Variants in ADGB observed in about 807,000 individuals in gnomAD.
ADGB encodes androglobin.
A neutral mutation model predicts 210.5 loss-of-function variants in ADGB; 172 were observed. That is an observed-to-expected ratio of 0.82 (90% CI 0.72 to 0.93). The LOEUF is 0.93. Ranked by LOEUF, ADGB falls within the 40% of genes least tolerant of loss-of-function variation. The pLI is 0.00. For missense variants in ADGB, 2,025 were observed against 1,964.8 expected, an observed-to-expected ratio of 1.03 and a Z score of -0.58; for synonymous variants, 658 against 662.7, an observed-to-expected ratio of 0.99 and a Z score of 0.11.
At chr6:146,740,720 C>T in intron 24 of ADGB, 127 bp downstream of exon 24, 1 of 855,454 alleles carries the variant, frequency 1.2e-6, no homozygotes, top group Non-Finnish European at 1.7e-6. Flanking sequence ...AAAATTCTTC[C>T]ACACTTGGCA....
intron 28 of ADGB, among the ~76,000 whole-genome samples, chr6:146,768,267 A>G (rs551535655): frequency 7.0e-4 from 107 of 152,364 alleles, no homozygotes; most frequent in African/African-American, 2.5e-3. Flanking sequence ...ATTCATAGGA[A>G]TGAATAGCAA....
At chr6:146,702,562 T>G (rs1362087405) in intron 13 of ADGB, among the ~76,000 whole-genome samples, 1 of 151,888 alleles carries the variant, frequency 6.6e-6, no homozygotes, top group African/African-American at 2.4e-5. Flanking sequence ...CTTTCAGGAT[T>G]TTTTAATGTA....
rs1777022598 is a variant in ADGB at position 146,733,112 on chromosome 6, T to C, written c.2521-8T>C. On this transcript the variant is annotated splice_polypyrimidine_tract_variant and splice_region_variant and intron_variant, in intron 20 of 35. Transcript: ENST00000397944. ...TTTCTTGCTATAAAAAAAATTTATGTGTTTCAGGTTTTTCATCTTTCCTTA... is the reference window on the plus strand; with the variant it reads ...TTTCTTGCTATAAAAAAAATTTATGCGTTTCAGGTTTTTCATCTTTCCTTA... 1 of 1,488,550 alleles carries C rather than the reference T, an allele frequency of 6.7e-7. No individual in the cohort carries two copies. The highest frequency in any genetic ancestry group is 1.4e-5 in the African/African-American group (1 of 70,458). 92.2% of individuals were successfully genotyped at this position (1,488,550 alleles called of 1,614,324 possible).
rs954045673 is a variant in ADGB at position 146,721,518 on chromosome 6, T to C, written c.2095+13T>C. 9.3e-6 allele frequency: 14 copies of C among 1,504,008 alleles called. No individual in the cohort carries two copies. The highest frequency in any genetic ancestry group is 2.8e-5 in the African/African-American group (2 of 71,944). The allele number at this position is 1,504,008 out of a possible 1,614,324, so 93.2% of individuals were successfully genotyped here. A position where few individuals can be genotyped will look rare whatever the true frequency, so the allele number is the denominator to read the frequency against. ...GGGGAGTATGGAGGTAAGAGGGCTC[T>C]GAGAAAATGATAGCCTTAAAGCCTA... On this transcript the variant is annotated intron_variant, in intron 17 of 35. Transcript: ENST00000397944.
At chr6:146,762,346 AG>A (rs1302993899) in intron 27 of ADGB, among the ~76,000 whole-genome samples, 1 of 152,190 alleles carries the variant, frequency 6.6e-6, no homozygotes, top group Non-Finnish European at 1.5e-5. Flanking sequence ...AGATATAGTC[AG>A]ATCTGGAATT....
intron 12 of ADGB, 25 bp from the exon 13 acceptor site, chr6:146,700,916 G>A: frequency 6.5e-7 from 1 of 1,538,024 alleles, no homozygotes; most frequent in Non-Finnish European, 8.8e-7. Flanking sequence ...AATAACAGAA[G>A]TTTGGGGTTT....
chr6:146,767,948 T>C (rs1267415634), intron 28 of ADGB, among the ~76,000 whole-genome samples: 1 of 150,140 alleles, frequency 6.7e-6, no homozygotes, highest in Non-Finnish European at 1.5e-5. Flanking sequence ...ACCGGCACTA[T>C]GCATTAGACA....
chr6:146,726,093 C>G lies in ADGB; in HGVS notation c.2248C>G (p.Leu750Val), dbSNP rs1452993097. 6.5e-7 allele frequency: 1 copy of G among 1,531,692 alleles called. No individual in the cohort carries two copies. Among genetic ancestry groups the G allele is most frequent in the African/African-American group, 1.4e-5 (1 of 72,800 alleles). 94.9% of individuals were successfully genotyped at this position (1,531,692 alleles called of 1,614,324 possible). A position where few individuals can be genotyped will look rare whatever the true frequency, so the allele number is the denominator to read the frequency against. Residue 750 changes from leucine (L) to valine (V), a missense_variant, in exon 19 of 36, where the codon CTA (leucine) becomes GTA (valine). Coordinates refer to ENST00000397944, the MANE Select transcript of ADGB (RefSeq NM_024694.4). ...VVRLPVGRHMLLFNAYSPVGH... is the reference protein window; with the variant it reads ...VVRLPVGRHMVLFNAYSPVGH... ...ATCCCTTCTCTTTAGGAGACACATG[C>G]TACTCTTCAACGCATACTCCCCAGT...
chr6:146,668,901 G>T (rs1257925537), intron 7 of ADGB, among the ~76,000 whole-genome samples: 1 of 152,048 alleles, frequency 6.6e-6, no homozygotes, highest in Non-Finnish European at 1.5e-5. Flanking sequence ...ACTCTTGTTG[G>T]CACGTGTCTC....
intron 33 of ADGB, among the ~76,000 whole-genome samples, chr6:146,798,686 A>C (rs1778081116): frequency 6.6e-6 from 1 of 152,144 alleles, no homozygotes; most frequent in South Asian, 2.1e-4. Flanking sequence ...GAAAAAAAAA[A>C]AACTGTGAAT....
intron 35 of ADGB, among the ~76,000 whole-genome samples, chr6:146,804,041 T>G (rs1303611379): frequency 6.6e-6 from 1 of 152,188 alleles, no homozygotes; most frequent in African/African-American, 2.4e-5. Flanking sequence ...GATCACCACT[T>G]CAACTTTTTG....
intron 33 of ADGB, among the ~76,000 whole-genome samples, chr6:146,790,004 T>C (rs1777931695): frequency 6.6e-6 from 1 of 152,192 alleles, no homozygotes; most frequent in Admixed American, 6.5e-5. Context: ...AATTCTGATA[T>C]CAAATTATTT....
At chr6:146,682,884 T>C (rs935721580) in intron 9 of ADGB, among the ~76,000 whole-genome samples, 28 of 152,126 alleles carry the variant, frequency 1.8e-4, no homozygotes, top group African/African-American at 5.3e-4. Context: ...CTCTTTTTTT[T>C]CCAAATCCTT....
At chr6:146,608,092 T>C (rs1368673680) in intron 1 of ADGB, among the ~76,000 whole-genome samples, 3 of 152,180 alleles carry the variant, frequency 2.0e-5, no homozygotes, top group Non-Finnish European at 4.4e-5. Flanking sequence ...CATCGGTCTT[T>C]TCAGGATTTC....
chr6:146,745,924 G>T lies in ADGB; in HGVS notation c.3180G>T (p.Lys1060Asn). 6.5e-7 allele frequency: 1 copy of T among 1,539,866 alleles called. No homozygotes were observed. Among genetic ancestry groups the T allele is most frequent in the South Asian group, 1.2e-5 (1 of 82,930 alleles). Reference protein sequence around the residue: ...VVPYLYTKNKKGYTFVAEAFT... With the variant: ...VVPYLYTKNKNGYTFVAEAFT... Reference sequence around the variant, plus strand: ...TGTGTAATTTGTCTTTCTTATAGAAGGGATACACTTTTGTGGCGGAAGCAT... The same window carrying T: ...TGTGTAATTTGTCTTTCTTATAGAATGGATACACTTTTGTGGCGGAAGCAT... Residue 1060 changes from lysine to asparagine, a missense_variant and splice_region_variant, in exon 26 of 36, where the codon AAG (lysine) becomes AAT (asparagine). By Grantham distance (94) the Lys-to-Asn change is moderately conservative. Coordinates refer to ENST00000397944, the MANE Select transcript of ADGB (RefSeq NM_024694.4).
chr6:146,720,687 A>G (rs1047268969), intron 16 of ADGB, among the ~76,000 whole-genome samples: 1 of 152,136 alleles, frequency 6.6e-6, no homozygotes, highest in East Asian at 1.9e-4. Context: ...GTGGAAGGCT[A>G]TGGGGAAGCA....
intron 1 of ADGB, among the ~76,000 whole-genome samples, chr6:146,608,982 A>G (rs968873375): frequency 6.6e-6 from 1 of 152,158 alleles, no homozygotes; most frequent in African/African-American, 2.4e-5. Flanking sequence ...AAGGTCTCCC[A>G]GTATTATTGT....
chr6:146,792,803 C>G (rs1207770563), intron 33 of ADGB, among the ~76,000 whole-genome samples: 2 of 152,172 alleles, frequency 1.3e-5, no homozygotes, highest in Non-Finnish European at 2.9e-5. Flanking sequence ...AAAATGTCTT[C>G]AAGACATTTC....
chr6:146,813,703 T>C (rs1778336995), intron 35 of ADGB, among the ~76,000 whole-genome samples: 1 of 152,188 alleles, frequency 6.6e-6, no homozygotes, highest in Admixed American at 6.5e-5. Flanking sequence ...CAATTTACCA[T>C]GTGGGAAATC....
Sources: gnomAD v4.1 joint callset for allele counts (sites outside exome capture counted in the v4.1 genomes callset) on GRCh38, gnomAD v4.1.1 for gene constraint, MANE v1.5 for transcripts, NCBI Gene and HGNC (gene_info 2026-07-23, HGNC 2026-07-21) for gene names.